MAP7D2: variants seen among roughly 807,000 people sequenced by gnomAD.
MAP7D2 encodes MAP7 domain containing 2.
In MAP7D2, 33 loss-of-function variants were observed where a neutral mutation model predicts 63.5. The observed-to-expected ratio is 0.52, with a 90% CI of 0.39 to 0.70. MAP7D2 has a LOEUF of 0.70. Among genes scored for constraint, MAP7D2 ranks in the 30% least tolerant of loss-of-function variants. The pLI is 0.00. For missense variants in MAP7D2, 626 were observed against 604.0 expected, an observed-to-expected ratio of 1.04 and a Z score of -0.38; for synonymous variants, 224 against 223.7, an observed-to-expected ratio of 1.00 and a Z score of -0.01.
At chrX:20,105,169 A>G (rs1276656647) in intron 1 of MAP7D2, among the ~76,000 whole-genome samples, 10 of 111,833 alleles carry the variant, frequency 8.9e-5, no homozygotes, top group African/African-American at 2.9e-4. Flanking sequence ...CCCTCCTTCC[A>G]GAAAAGATTA....
Position 20,027,621 on chromosome X carries a change from G to A in MAP7D2, c.1008-1669C>T, listed in dbSNP as rs753091472. On this transcript the variant is annotated intron_variant, in intron 8 of 16. Coordinates refer to ENST00000379643, the MANE Select transcript of MAP7D2 (RefSeq NM_001168465.2). ...AAAATGCCTTCAGACATTGCTAAAC[G>A]TCCCCTTAGGGACAAGATCTCCCTC... 5.7e-4 allele frequency among the ~76,000 whole-genome samples: 63 copies of A among 109,882 alleles called. 1 individual carries two copies. Among genetic ancestry groups the A allele is most frequent in the African/African-American group, 2.0e-3 (60 of 30,185 alleles).
At chrX:20,072,297 T>G (rs1328372199) in intron 1 of MAP7D2, among the ~76,000 whole-genome samples, 1 of 111,283 alleles carries the variant, frequency 9.0e-6, no homozygotes, top group Admixed American at 9.6e-5. Flanking sequence ...CCATCAGTGC[T>G]CTGATTCTCA....
chrX:20,112,264 C>T (rs746991519), intron 1 of MAP7D2, among the ~76,000 whole-genome samples: 6 of 112,011 alleles, frequency 5.4e-5, no homozygotes, highest in Non-Finnish European at 9.4e-5. Context: ...GCCCTGGGGA[C>T]AGACCCTGTC....
At chrX:20,065,618 G>C (rs971014477) in intron 1 of MAP7D2, among the ~76,000 whole-genome samples, 3 of 111,331 alleles carry the variant, frequency 2.7e-5, no homozygotes, top group Admixed American at 9.5e-5. Flanking sequence ...CACTATGAAA[G>C]ACAACACTCA....
chrX:20,071,454 T>G (rs993017221), intron 1 of MAP7D2, among the ~76,000 whole-genome samples: 6 of 112,566 alleles, frequency 5.3e-5, no homozygotes, highest in Non-Finnish European at 7.5e-5. Context: ...CAGAACCACC[T>G]GGAGGGCTTG....
chrX:20,068,137 A>C (rs759017970), intron 1 of MAP7D2, among the ~76,000 whole-genome samples: 1 of 112,582 alleles, frequency 8.9e-6, no homozygotes, highest in East Asian at 2.8e-4. Flanking sequence ...AAACAGCCCA[A>C]CATGGGCAAT....
intron 5 of MAP7D2, 93 bp downstream of exon 5, chrX:20,052,785 G>A: frequency 1.5e-6 from 1 of 670,088 alleles, no homozygotes; most frequent in Non-Finnish European, 2.4e-6. Context: ...ATCTGCAGAA[G>A]GCTCAAGAGG....
chrX:20,061,753 G>A (rs1042062456), intron 3 of MAP7D2, among the ~76,000 whole-genome samples: 3 of 112,832 alleles, frequency 2.7e-5, no homozygotes, highest in African/African-American at 9.7e-5. Context: ...ATGTTCTGTA[G>A]AGAAAAATTA....
chrX:20,010,907 G>A lies in MAP7D2; in HGVS notation c.2218C>T (p.Pro740Ser), dbSNP rs1350326551. The A allele has an allele frequency of 3.3e-6, 4 of 1,210,994 alleles. No homozygotes were observed. Among genetic ancestry groups the A allele is most frequent in the Non-Finnish European group, 4.5e-6 (4 of 895,344 alleles). The change falls in exon 16 of 17, where the codon CCC becomes TCC. Residue 740 changes from proline (P) to serine (S), a missense_variant. Transcript: ENST00000379643. ...CTGAGATTTTCACTGGATCTCTTGGGGAATGTCGGGGGACCAGTGAAATCT... is the reference window on the plus strand; with the variant it reads ...CTGAGATTTTCACTGGATCTCTTGGAGAATGTCGGGGGACCAGTGAAATCT... Reference protein sequence around the residue: ...LLDFTGPPTFPKRSSENLSLD... With the variant: ...LLDFTGPPTFSKRSSENLSLD...
intron 9 of MAP7D2, 39 bp from the exon 10 acceptor site, chrX:20,025,122 G>A: frequency 8.5e-7 from 1 of 1,172,678 alleles, no homozygotes; most frequent in Non-Finnish European, 1.1e-6. Flanking sequence ...AAAGATCAAG[G>A]GAAACGAATA....
At chrX:20,104,652 AC>A (rs1024351123) in intron 1 of MAP7D2, among the ~76,000 whole-genome samples, 9 of 112,170 alleles carry the variant, frequency 8.0e-5, no homozygotes, top group African/African-American at 2.9e-4. Flanking sequence ...CATAACTACA[AC>A]TGCTTAAAAA....
intron 1 of MAP7D2, among the ~76,000 whole-genome samples, chrX:20,095,172 A>G (rs1286090386): frequency 9.0e-6 from 1 of 110,805 alleles, no homozygotes; most frequent in Non-Finnish European, 1.9e-5. Context: ...AATGAAATTT[A>G]TGTTATTGTG....
At chrX:20,019,705 T>TTGATC (rs200858438) in intron 10 of MAP7D2, among the ~76,000 whole-genome samples, 3,585 of 112,216 alleles carry the variant, frequency 0.032, 136 homozygotes, top group African/African-American at 0.11. Context: ...TTAATCTTCT[T>TTGATC]TGATCTGATC....
Position 20,116,768 on chromosome X carries a change from G to C in MAP7D2, c.112C>G (p.Pro38Ala). The change falls in exon 1 of 17, where the codon CCC becomes GCC. Residue 38 changes from proline to alanine, a missense_variant. By Grantham distance (27) the Pro-to-Ala change is conservative. Coordinates refer to ENST00000379643, the MANE Select transcript of MAP7D2 (RefSeq NM_001168465.2). ...ATAATACCTTGAGGCCGGTAGTTGG[G>C]CTGAGAGGTCCGCACCGCGCCCGGT... ...AEPGAVRTSQ[P>A]NYRPQGMEGF... 5 of 1,187,620 alleles carry C rather than the reference G, an allele frequency of 4.2e-6. No homozygotes were observed. Among genetic ancestry groups the C allele is most frequent in the Non-Finnish European group, 5.7e-6 (5 of 884,380 alleles).
At chrX:20,023,601 C>G (rs116381126) in intron 10 of MAP7D2, among the ~76,000 whole-genome samples, 2,709 of 112,208 alleles carry the variant, frequency 0.024, 94 homozygotes, top group African/African-American at 0.084. Context: ...CTTTCAGGAG[C>G]TGGGCTGTGA....
At chrX:20,053,168 A>G (rs183493366) in intron 4 of MAP7D2, among the ~76,000 whole-genome samples, 180 bp from the exon 5 acceptor site, 19 of 112,366 alleles carry the variant, frequency 1.7e-4, no homozygotes, top group Non-Finnish European at 3.2e-4. Context: ...ACCAGGCTAC[A>G]GCAGCCCTTG....
intron 10 of MAP7D2, among the ~76,000 whole-genome samples, chrX:20,022,064 G>GT (rs1428930864): frequency 1.8e-5 from 2 of 112,140 alleles, no homozygotes; most frequent in African/African-American, 6.5e-5. Context: ...GCTGGGCTCA[G>GT]TATGGGTGAA....
chrX:20,100,953 G>A (rs1289325877), intron 1 of MAP7D2, among the ~76,000 whole-genome samples: 4 of 108,267 alleles, frequency 3.7e-5, no homozygotes, highest in Non-Finnish European at 3.8e-5. Context: ...CCCGGGAGGC[G>A]GAGGTTGCGG....
intron 1 of MAP7D2, among the ~76,000 whole-genome samples, chrX:20,096,397 T>C (rs191425655): frequency 0.016 from 1,298 of 83,386 alleles, 7 homozygotes; most frequent in Middle Eastern, 0.025. Context: ...ATCACTGCAC[T>C]CCAGTCTCCG....
Sources: allele counts gnomAD v4.1 joint callset (sites outside exome capture counted in the v4.1 genomes callset), GRCh38; gene constraint gnomAD v4.1.1; transcripts MANE v1.5; gene names NCBI Gene and HGNC (gene_info 2026-07-23, HGNC 2026-07-21).